USP42: variants seen among roughly 807,000 people sequenced by gnomAD.
USP42 encodes the protein ubiquitin specific peptidase 42, also known as ubiquitin carboxyl-terminal hydrolase 42.
Under a neutral mutation model 113.0 loss-of-function variants are expected in USP42, and 23 were observed. The observed-to-expected ratio is 0.20, with a 90% CI of 0.15 to 0.29. The LOEUF (loss-of-function observed/expected upper bound fraction) is 0.29. Ranked by LOEUF, USP42 falls within the 10% of genes least tolerant of loss-of-function variation. The pLI is 1.00. For missense variants in USP42, 2,174 were observed against 1,779.8 expected (o/e 1.22, Z -3.99); for synonymous variants, 933 against 699.0 (o/e 1.33, Z -5.28).
At chr7:6,144,028 C>A in intron 8 of USP42, 57 bp from the exon 9 acceptor site, 2 of 1,166,704 alleles carry the variant, frequency 1.7e-6, no homozygotes, top group Non-Finnish European at 2.4e-6. Flanking sequence ...GACCAAAATA[C>A]CACAAATTGT....
In USP42 at chr7:6,124,647, T is replaced by A. The variant is rs377225532; in HGVS notation, c.442+9124T>A. Reference sequence around the variant, plus strand: ...AGCCTCTGCCTTTTATTTTGAGGCATTATACCTTTTACATTTAATGAGATT... The same window carrying A: ...AGCCTCTGCCTTTTATTTTGAGGCAATATACCTTTTACATTTAATGAGATT... On this transcript the variant is annotated intron_variant, in intron 3 of 17. Coordinates refer to ENST00000306177, the MANE Select transcript of USP42 (RefSeq NM_032172.3). 5.0e-4 allele frequency among the ~76,000 whole-genome samples: 76 copies of A among 152,328 alleles called. 3 individuals carry two copies. The South Asian group carries it at 0.015, about 31-fold the overall frequency.
At chr7:6,148,679 G>T (rs1403670950) in intron 12 of USP42, among the ~76,000 whole-genome samples, 1 of 152,210 alleles carries the variant, frequency 6.6e-6, no homozygotes. Context: ...TAGAGTGGGG[G>T]CCTCATCTGA....
In USP42 at chr7:6,155,208, C is replaced by T. The variant is rs1395404964; in HGVS notation, c.3641+13C>T. On this transcript the variant is annotated intron_variant, in intron 15 of 17. Transcript: ENST00000306177. ...ACCGCGACTCCAGGTGAGCCTGGGG[C>T]CTTGTGCTCCCCGAGGCGCTGGCGC... 4.0e-6 allele frequency: 6 copies of T among 1,515,724 alleles called. No individual in the cohort carries two copies. The highest frequency in any genetic ancestry group is 2.8e-5 in the African/African-American group (2 of 71,192). The allele number at this position is 1,515,724 out of a possible 1,614,324, so 93.9% of individuals were successfully genotyped here.
the USP42 span, among the ~76,000 whole-genome samples, chr7:6,086,202 A>ATTT: frequency 2.4e-5 from 3 of 122,656 alleles, no homozygotes; most frequent in South Asian, 2.5e-4. Context: ...CACCTGGCTA[A>ATTT]TTTTTTTTTT....
chr7:6,153,187 C>T (rs1373081576), intron 14 of USP42, among the ~76,000 whole-genome samples: 6 of 151,946 alleles, frequency 3.9e-5, no homozygotes, highest in Admixed American at 1.3e-4. Context: ...TCAGGAGAAT[C>T]GCTTGCACCC....
At chr7:6,103,792 G>A (rs1779094926), upstream of USP42, among the ~76,000 whole-genome samples, 1 of 148,716 alleles carries the variant, frequency 6.7e-6, no homozygotes, top group South Asian at 2.1e-4. Context: ...AGCGGCTCAC[G>A]CCTGTAATCC....
chr7:6,082,603 G>GTTTTTTTTTTTTTTTTT, the USP42 span, among the ~76,000 whole-genome samples: 5 of 90,196 alleles, frequency 5.5e-5, no homozygotes, highest in Non-Finnish European at 5.9e-5. Flanking sequence ...CTTTCTTTCT[G>GTTTTTTTTTTTTTTTTT]TTTTTTTTTT....
At position 6,161,499 on chromosome 7, in the gene USP42, C is replaced by CA. The variant is rs1201840142; in HGVS notation, c.*982dup. 1 of 152,552 alleles carries CA rather than the reference C, an allele frequency of 6.6e-6. No homozygotes were observed. The highest frequency in any genetic ancestry group is 1.9e-4 in the East Asian group (1 of 5,204). The allele number at this position is 152,552 out of a possible 1,614,324, so 9.4% of individuals were successfully genotyped here. ...TTTGTTTTTCTAAAGATTAAAAAAG[C>CA]ACTTGCCCCACTGTAAATATACAGC... On this transcript the variant is annotated 3_prime_UTR_variant, in exon 18 of 18. Transcript: ENST00000306177.
intron 7 of USP42, among the ~76,000 whole-genome samples, chr7:6,142,669 G>A (rs1040985092): frequency 6.6e-6 from 1 of 152,080 alleles, no homozygotes; most frequent in African/African-American, 2.4e-5. Flanking sequence ...GATCGCTTGA[G>A]CCCAGGAGTT....
At chr7:6,140,599 A>G (rs1028202607) in intron 6 of USP42, among the ~76,000 whole-genome samples, 1 of 152,212 alleles carries the variant, frequency 6.6e-6, no homozygotes, top group African/African-American at 2.4e-5. Context: ...GTAAAAATGT[A>G]TATGTAGGAT....
intron 11 of USP42, among the ~76,000 whole-genome samples, chr7:6,147,129 G>A (rs1166634350): frequency 6.6e-6 from 1 of 151,964 alleles, no homozygotes; most frequent in Non-Finnish European, 1.5e-5. Flanking sequence ...CACTGGCATT[G>A]GATTTCGGCA....
intron 15 of USP42, among the ~76,000 whole-genome samples, 180 bp from the exon 16 acceptor site, chr7:6,156,574 C>T (rs898045538): frequency 6.6e-6 from 1 of 151,972 alleles, no homozygotes; most frequent in Non-Finnish European, 1.5e-5. Context: ...TTCAGCCTCC[C>T]GAGTAGCTGG....
chr7:6,134,903 C>T (rs941274493), intron 3 of USP42, among the ~76,000 whole-genome samples: 3 of 152,116 alleles, frequency 2.0e-5, no homozygotes, highest in Non-Finnish European at 2.9e-5. Context: ...CCTCCTGCCT[C>T]GGCCTCCTGG....
intron 6 of USP42, among the ~76,000 whole-genome samples, chr7:6,140,471 C>T (rs145124054): frequency 6.6e-6 from 1 of 151,054 alleles, no homozygotes; most frequent in African/African-American, 2.4e-5. Flanking sequence ...ACAGGCCTAA[C>T]AGCCTTCGAC....
chr7:6,154,015 C>G lies in USP42; in HGVS notation c.2461C>G (p.Pro821Ala), dbSNP rs754488840. Residue 821 changes from proline (P) to alanine (A), a missense_variant, in exon 15 of 18, where the codon CCC becomes GCC. Physicochemically the swap from Pro to Ala is conservative, Grantham distance 27 (BLOSUM62 -1). Coordinates refer to ENST00000306177, the MANE Select transcript of USP42 (RefSeq NM_032172.3). ...CACAGCACCCCCTGACCTGTGTGATCCCGGGAGCTTAACAGGCGATGCGAG... is the reference window on the plus strand; with the variant it reads ...CACAGCACCCCCTGACCTGTGTGATGCCGGGAGCTTAACAGGCGATGCGAG... ...GDTAPPDLCD[P>A]GSLTGDASPL... is the part of the protein sequence containing the mutation. 6.2e-7 allele frequency: 1 copy of G among 1,604,076 alleles called. No individual in the cohort carries two copies.
chr7:6,132,281 G>T (rs1372721145), intron 3 of USP42, among the ~76,000 whole-genome samples: 2 of 152,178 alleles, frequency 1.3e-5, no homozygotes, highest in Admixed American at 1.3e-4. Flanking sequence ...GGCCTGTGCT[G>T]TGCCTGATAA....
intron 2 of USP42, among the ~76,000 whole-genome samples, chr7:6,114,656 G>GTATATATATATATATATATATA (rs71008362): frequency 8.3e-5 from 5 of 60,596 alleles, no homozygotes; most frequent in Non-Finnish European, 7.9e-5. Context: ...ATGTGTGTGT[G>GTATATATATATATATATATATA]TATATATATA....
chr7:6,105,192 C>A (rs935788579), intron 1 of USP42, among the ~76,000 whole-genome samples, 160 bp downstream of exon 1: 18 of 145,404 alleles, frequency 1.2e-4, no homozygotes, highest in Non-Finnish European at 2.3e-4. Flanking sequence ...AGCCGCGGGC[C>A]GCCCGGGACC....
At chr7:6,101,924 CAA>C (rs113530488), upstream of USP42, among the ~76,000 whole-genome samples, 3 of 134,318 alleles carry the variant, frequency 2.2e-5, no homozygotes, top group African/African-American at 2.8e-5. Context: ...ACTAAAACTA[CAA>C]AAAAAAAAAA....
Sources: gnomAD v4.1 joint callset for allele counts (sites outside exome capture counted in the v4.1 genomes callset) on GRCh38, gnomAD v4.1.1 for gene constraint, MANE v1.5 for transcripts, NCBI Gene and HGNC (gene_info 2026-07-23, HGNC 2026-07-21) for gene names.